OSTN: variants seen among roughly 807,000 people sequenced by gnomAD.
OSTN encodes the protein osteocrin.
In OSTN, 9 loss-of-function variants were observed where a neutral mutation model predicts 12.0. The ratio of observed to expected loss-of-function variants is 0.75; its 90% CI spans 0.45 to 1.30. The LOEUF (loss-of-function observed/expected upper bound fraction) is 1.30, where lower values mean the gene tolerates loss of function less well. Among genes scored for constraint, OSTN ranks in the 50% most tolerant of loss-of-function variants. The probability of loss-of-function intolerance (pLI) is 0.00; values close to 1 mark genes in which losing one functional copy is unlikely to be tolerated. For synonymous variants in OSTN, 59 were observed against 56.9 expected (o/e 1.04, Z -0.16); for missense variants, 148 against 152.3 (o/e 0.97, Z 0.15).
At chr3:191,242,363 T>C (rs908246613) in intron 3 of OSTN, among the ~76,000 whole-genome samples, 1 of 152,212 alleles carries the variant, frequency 6.6e-6, no homozygotes, top group Non-Finnish European at 1.5e-5. Context: ...ATAGTAAGAC[T>C]CAATATCATA....
intron 2 of OSTN, chr3:191,213,146 G>A (rs1477716038): frequency 6.6e-6 from 1 of 152,138 alleles, no homozygotes; most frequent in Admixed American, 6.6e-5. Context: ...TGGGATTACA[G>A]GCGTGAGCCA....
At chr3:191,244,760 A>G (rs1448979900) in intron 3 of OSTN, among the ~76,000 whole-genome samples, 3 of 150,626 alleles carry the variant, frequency 2.0e-5, no homozygotes, top group African/African-American at 7.3e-5. Context: ...AATTATTTTT[A>G]TTTTGTATTA....
Position 191,218,768 on chromosome 3 carries a change from G to C in OSTN, c.124G>C (p.Asp42His). The C allele has an allele frequency of 6.2e-7, 1 of 1,614,026 alleles. No individual in the cohort carries two copies. ...TTEAFDSGVI[D>H]VQSTPTVREE... Reference sequence around the variant, plus strand: ...ATAGGCCTTTGATTCTGGAGTCATAGATGTGCAGTCAACACCCACAGTCAG... The same window carrying C: ...ATAGGCCTTTGATTCTGGAGTCATACATGTGCAGTCAACACCCACAGTCAG... The change falls in exon 3 of 5, where the codon GAT (aspartate) becomes CAT (histidine). Residue 42 changes from aspartate (D) to histidine (H), a missense_variant. Coordinates refer to ENST00000682035, the MANE Select transcript of OSTN (RefSeq NM_198184.2).
intron 3 of OSTN, among the ~76,000 whole-genome samples, chr3:191,220,521 G>A (rs1201678993): frequency 6.6e-6 from 1 of 152,120 alleles, no homozygotes. Flanking sequence ...GAGAATGCTA[G>A]TACACTGTTA....
intron 4 of OSTN, among the ~76,000 whole-genome samples, chr3:191,259,896 C>G (rs1392791050): frequency 6.9e-6 from 1 of 144,898 alleles, no homozygotes; most frequent in African/African-American, 2.5e-5. Flanking sequence ...CACTCTGTCA[C>G]CAGGCTGGAG....
intron 3 of OSTN, among the ~76,000 whole-genome samples, chr3:191,248,195 T>A (rs1260133225): frequency 2.0e-5 from 3 of 152,052 alleles, no homozygotes; most frequent in Non-Finnish European, 4.4e-5. Flanking sequence ...TATGACTGTG[T>A]AGTCAAGGAA....
chr3:191,247,614 G>A (rs994397376), intron 3 of OSTN, among the ~76,000 whole-genome samples: 3 of 152,134 alleles, frequency 2.0e-5, no homozygotes, highest in African/African-American at 7.2e-5. Context: ...CCCTATTTCT[G>A]TAATATTGTT....
At chr3:191,247,133 C>T (rs1289545066) in intron 3 of OSTN, among the ~76,000 whole-genome samples, 1 of 152,036 alleles carries the variant, frequency 6.6e-6, no homozygotes, top group Non-Finnish European at 1.5e-5. Context: ...TTTATGTGGA[C>T]AAAGATAATT....
At position 191,212,639 on chromosome 3, in the gene OSTN, T is replaced by C; in HGVS notation, c.102+5T>C. 2 of 1,459,706 alleles carry C rather than the reference T, an allele frequency of 1.4e-6. No individual in the cohort carries two copies. Among genetic ancestry groups the C allele is most frequent in the Non-Finnish European group, 1.9e-6 (2 of 1,075,522 alleles). The allele number at this position is 1,459,706 out of a possible 1,614,324, so 90.4% of individuals were successfully genotyped here. On this transcript the variant is annotated splice_donor_5th_base_variant and intron_variant, in intron 2 of 4. Coordinates refer to ENST00000682035, the MANE Select transcript of OSTN (RefSeq NM_198184.2). ...GTAGATGTAACAACAACAGAGGTAATGGAAACTAGCTTACAGAAATAAATA... is the reference window on the plus strand; with the variant it reads ...GTAGATGTAACAACAACAGAGGTAACGGAAACTAGCTTACAGAAATAAATA...
At chr3:191,218,293 A>G (rs1714672837) in intron 2 of OSTN, among the ~76,000 whole-genome samples, 1 of 152,062 alleles carries the variant, frequency 6.6e-6, no homozygotes, top group South Asian at 2.1e-4. Flanking sequence ...TTCAGTCCCC[A>G]AAGATCTAGC....
chr3:191,215,185 C>A (rs1257837751), intron 2 of OSTN, among the ~76,000 whole-genome samples: 1 of 152,012 alleles, frequency 6.6e-6, no homozygotes, highest in Non-Finnish European at 1.5e-5. Flanking sequence ...GACTGAATTA[C>A]CAAACATTTA....
intron 3 of OSTN, among the ~76,000 whole-genome samples, chr3:191,223,745 C>G (rs1181606330): frequency 1.3e-5 from 2 of 151,550 alleles, no homozygotes; most frequent in African/African-American, 4.8e-5. Context: ...TAAAATTTCT[C>G]TATGAAAAAA....
Position 191,263,025 on chromosome 3 carries a change from A to G in OSTN, c.*172A>G, listed in dbSNP as rs1398118580. 16 of 571,328 alleles carry G rather than the reference A, an allele frequency of 2.8e-5. No homozygotes were observed. In the East Asian group the frequency reaches 4.6e-4, roughly 17 times the overall value. 35.4% of individuals were successfully genotyped at this position (571,328 alleles called of 1,614,324 possible). The stretch of plus-strand genomic sequence containing the variant: ...CACATTACAGCATTGTTACAGCTTC[A>G]ATTAAATTGTGTAAATCATTTTGAT... On this transcript the variant is annotated 3_prime_UTR_variant, in exon 5 of 5. Transcript: ENST00000682035.
At chr3:191,235,377 G>T (rs1204656031) in intron 3 of OSTN, among the ~76,000 whole-genome samples, 1 of 152,166 alleles carries the variant, frequency 6.6e-6, no homozygotes, top group Non-Finnish European at 1.5e-5. Context: ...GGAGCTTGTG[G>T]CCAGTTTATA....
At chr3:191,221,494 C>T (rs896037758) in intron 3 of OSTN, among the ~76,000 whole-genome samples, 1 of 152,096 alleles carries the variant, frequency 6.6e-6, no homozygotes, top group African/African-American at 2.4e-5. Flanking sequence ...CTGAGGTGGT[C>T]TCAGGTGGAG....
chr3:191,239,798 C>A (rs1332930723), intron 3 of OSTN, among the ~76,000 whole-genome samples: 1 of 152,176 alleles, frequency 6.6e-6, no homozygotes, highest in Non-Finnish European at 1.5e-5. Flanking sequence ...TTTTGCCCAG[C>A]CTTTTATTCA....
At chr3:191,236,548 C>CAA (rs372187310) in intron 3 of OSTN, among the ~76,000 whole-genome samples, 65 of 133,672 alleles carry the variant, frequency 4.9e-4, no homozygotes, top group Non-Finnish European at 3.6e-4. Flanking sequence ...GATAATAACG[C>CAA]AAAAAAAAAA....
chr3:191,203,785 G>T (rs1302765987), intron 1 of OSTN, among the ~76,000 whole-genome samples: 1 of 152,206 alleles, frequency 6.6e-6, no homozygotes, highest in African/African-American at 2.4e-5. Flanking sequence ...GAAAGTTGTT[G>T]TTCTGGCTCT....
At chr3:191,232,602 A>ATTT (rs150259369) in intron 3 of OSTN, among the ~76,000 whole-genome samples, 2 of 142,822 alleles carry the variant, frequency 1.4e-5, no homozygotes, top group African/African-American at 2.6e-5. Flanking sequence ...TGACTAAATC[A>ATTT]TTTTTTTTTT....
Sources: gnomAD v4.1 joint callset for allele counts (sites outside exome capture counted in the v4.1 genomes callset) on GRCh38, gnomAD v4.1.1 for gene constraint, MANE v1.5 for transcripts, NCBI Gene and HGNC (gene_info 2026-07-23, HGNC 2026-07-21) for gene names.